The following MARCHF8 variants were observed in gnomAD, a reference collection of about 807,000 sequenced individuals.
The protein encoded by MARCHF8 is membrane associated ring-CH-type finger 8, also known as E3 ubiquitin-protein ligase MARCHF8.
In MARCHF8, 40 loss-of-function variants were observed where a neutral mutation model predicts 51.6. The ratio of observed to expected loss-of-function variants is 0.77; its 90% CI spans 0.60 to 1.01. The LOEUF is 1.01. Ranked by LOEUF, MARCHF8 falls within the 50% of genes least tolerant of loss-of-function variation. The probability of loss-of-function intolerance (pLI) is 0.00; values close to 1 mark genes in which losing one functional copy is unlikely to be tolerated. For synonymous variants in MARCHF8, 263 were observed against 280.3 expected (o/e 0.94, Z 0.62); for missense variants, 685 against 708.6 (o/e 0.97, Z 0.38).
intron 2 of MARCHF8, among the ~76,000 whole-genome samples, chr10:45,521,054 C>T (rs758378016): frequency 6.6e-6 from 1 of 152,296 alleles, no homozygotes; most frequent in South Asian, 2.1e-4. Flanking sequence ...TCTTTAATTA[C>T]GTTACATTTT....
intron 2 of MARCHF8, among the ~76,000 whole-genome samples, chr10:45,525,480 A>T (rs930701054): frequency 1.3e-5 from 2 of 152,170 alleles, no homozygotes; most frequent in Admixed American, 6.5e-5. Flanking sequence ...ACAATCTTGC[A>T]ATTTGGGTTC....
In MARCHF8 at chr10:45,461,410, T is replaced by C; in HGVS notation, c.1090A>G (p.Ile364Val). The part of the protein sequence containing the change: ...PVSTSGDVCR[I>V]CHCEGDDESP... ...TCATCATCTCCTTCACAGTGGCAGA[T>C]CCTATGGTGGAAGGAAAACCTGTCA... is the stretch of plus-strand genomic sequence containing the variant. The change falls in exon 6 of 8, where the codon ATC becomes GTC. Residue 364 changes from isoleucine to valine, a missense_variant and splice_region_variant. Ile to Val is a conservative substitution (Grantham distance 29). Transcript: ENST00000453424. The C allele has an allele frequency of 6.4e-7, 1 of 1,551,372 alleles. No homozygotes were observed. The highest frequency in any genetic ancestry group is 8.7e-7 in the Non-Finnish European group (1 of 1,150,646).
chr10:45,477,181 G>T (rs2042801656), intron 3 of MARCHF8, among the ~76,000 whole-genome samples: 1 of 151,674 alleles, frequency 6.6e-6, no homozygotes, highest in Non-Finnish European at 1.5e-5. Flanking sequence ...AGAATGGGAT[G>T]ATATATTCAA....
Position 45,463,398 on chromosome 10 carries a change from C to G in MARCHF8, c.841G>C (p.Glu281Gln), listed in dbSNP as rs935182932. The G allele has an allele frequency of 1.1e-5, 17 of 1,550,570 alleles. No homozygotes were observed. The Middle Eastern group carries it at 5.0e-4, about 45-fold the overall frequency. The change falls in exon 5 of 8, where the codon GAG becomes CAG. Residue 281 changes from glutamate (E) to glutamine (Q), a missense_variant. By Grantham distance (29) the Glu-to-Gln change is conservative. Coordinates refer to ENST00000453424, the MANE Select transcript of MARCHF8 (RefSeq NM_001282866.2). ...GTGTGCAGGCGAGCAGCGCAGCTCT[C>G]CAGCTCATGGAACCTGTGCAGGCTG... ...ASSLHRFHEL[E>Q]SCAARLHTAK...
Position 45,458,093 on chromosome 10 carries a change from G to A in MARCHF8, c.*146C>T. On this transcript the variant is annotated 3_prime_UTR_variant, in exon 8 of 8. Transcript: ENST00000453424. ...ACAGGAAGGTTTTCTAGGAGACTAAGGAGGGTTTAGAAAAAGAGAAGCCAC... is the reference window on the plus strand; with the variant it reads ...ACAGGAAGGTTTTCTAGGAGACTAAAGAGGGTTTAGAAAAAGAGAAGCCAC... 1 of 865,964 alleles carries A rather than the reference G, an allele frequency of 1.2e-6. No individual in the cohort carries two copies. The highest frequency in any genetic ancestry group is 1.7e-6 in the Non-Finnish European group (1 of 586,540). The allele number at this position is 865,964 out of a possible 1,614,324, so 53.6% of individuals were successfully genotyped here.
intron 3 of MARCHF8, among the ~76,000 whole-genome samples, chr10:45,471,280 T>C (rs1020352448): frequency 6.6e-6 from 1 of 152,212 alleles, no homozygotes; most frequent in African/African-American, 2.4e-5. Flanking sequence ...GAGGGGAATA[T>C]ATTACAGCAC....
chr10:45,524,549 C>T (rs17452587), intron 2 of MARCHF8, among the ~76,000 whole-genome samples: 1,733 of 152,276 alleles, frequency 0.011, 20 homozygotes, highest in Non-Finnish European at 0.014. Context: ...GATGCCTAAC[C>T]AGACAGTAAT....
chr10:45,484,615 G>GT (rs762986975), intron 3 of MARCHF8, among the ~76,000 whole-genome samples: 2 of 152,186 alleles, frequency 1.3e-5, no homozygotes, highest in Non-Finnish European at 2.9e-5. Flanking sequence ...TGAAGAAAGA[G>GT]TAACAAAACC....
intron 1 of MARCHF8, among the ~76,000 whole-genome samples, chr10:45,583,220 G>A (rs996678003): frequency 2.0e-5 from 3 of 152,044 alleles, no homozygotes; most frequent in East Asian, 3.8e-4. Context: ...ATAAGGGATC[G>A]GTAATAGATA....
intron 2 of MARCHF8, among the ~76,000 whole-genome samples, chr10:45,519,047 CAAAA>C (rs965221523): frequency 3.3e-5 from 5 of 152,094 alleles, no homozygotes; most frequent in African/African-American, 1.2e-4. Context: ...TCTACACACA[CAAAA>C]AAACTTCTGA....
At chr10:45,512,740 G>A (rs2043549627) in intron 2 of MARCHF8, among the ~76,000 whole-genome samples, 1 of 152,166 alleles carries the variant, frequency 6.6e-6, no homozygotes, top group African/African-American at 2.4e-5. Context: ...ACAGCTCATT[G>A]AGAACGGGCC....
At chr10:45,489,493 AAC>A (rs1276671422) in intron 2 of MARCHF8, 76 bp from the exon 3 acceptor site, 2 of 1,280,238 alleles carry the variant, frequency 1.6e-6, no homozygotes, top group Non-Finnish European at 2.3e-6. Flanking sequence ...TGATCACAAC[AAC>A]CCTACTGACA....
At chr10:45,540,803 A>C (rs1465056650) in intron 1 of MARCHF8, among the ~76,000 whole-genome samples, 1 of 152,334 alleles carries the variant, frequency 6.6e-6, no homozygotes, top group African/African-American at 2.4e-5. Context: ...ATGCAGCCAA[A>C]AGACACATGA....
In MARCHF8 at chr10:45,463,104, C is replaced by A. The variant is rs901292618; in HGVS notation, c.1088+47G>T. ...CACATACTAAAGCAAGAGGAGGTTC[C>A]TGATGCGAGCAGAGATGGCTAGAAT... On this transcript the variant is annotated intron_variant, in intron 5 of 7. Transcript: ENST00000453424. 31 of 1,512,234 alleles carry A rather than the reference C, an allele frequency of 2.0e-5. 1 individual carries two copies. In the African/African-American group the frequency reaches 3.5e-4, roughly 17 times the overall value. 93.7% of individuals were successfully genotyped at this position (1,512,234 alleles called of 1,614,324 possible).
upstream of MARCHF8, among the ~76,000 whole-genome samples, chr10:45,539,915 G>C (rs1262126981): frequency 1.3e-5 from 2 of 152,108 alleles, no homozygotes; most frequent in Non-Finnish European, 2.9e-5. Context: ...ATAACAGACA[G>C]AGAGCCAAAT....
At chr10:45,487,454 T>C (rs2043002398) in intron 3 of MARCHF8, among the ~76,000 whole-genome samples, 1 of 152,324 alleles carries the variant, frequency 6.6e-6, no homozygotes, top group East Asian at 1.9e-4. Flanking sequence ...TTAACACATT[T>C]AATTCAACTT....
chr10:45,586,197 C>A (rs1176707791), intron 1 of MARCHF8, among the ~76,000 whole-genome samples: 1 of 152,120 alleles, frequency 6.6e-6, no homozygotes, highest in Non-Finnish European at 1.5e-5. Flanking sequence ...ACAGAAAGTT[C>A]TCTTTTGCTC....
intron 1 of MARCHF8, among the ~76,000 whole-genome samples, chr10:45,545,950 G>A (rs1477191568): frequency 2.6e-5 from 4 of 152,030 alleles, no homozygotes; most frequent in East Asian, 1.9e-4. Context: ...TTACTGAAAC[G>A]AAGACCAAAA....
chr10:45,473,895 T>C (rs1253337040), intron 3 of MARCHF8, among the ~76,000 whole-genome samples: 3 of 152,142 alleles, frequency 2.0e-5, no homozygotes, highest in African/African-American at 7.2e-5. Context: ...ACAAATGATC[T>C]TTCTACTACA....
Sources: gnomAD v4.1 joint callset for allele counts (sites outside exome capture counted in the v4.1 genomes callset) on GRCh38, gnomAD v4.1.1 for gene constraint, MANE v1.5 for transcripts, NCBI Gene and HGNC (gene_info 2026-07-23, HGNC 2026-07-21) for gene names.